The following DPP4 variants were observed in gnomAD, a reference collection of about 807,000 sequenced individuals.
The protein encoded by DPP4 is ADCP-2.
Under a neutral mutation model 122.4 loss-of-function variants are expected in DPP4, and 93 were observed. That is an observed-to-expected ratio of 0.76 (90% CI 0.64 to 0.90). DPP4 has a LOEUF of 0.90. DPP4 is among the 40% of genes least tolerant of loss of function. DPP4 has a pLI of 0.00. For missense variants in DPP4, 914 were observed against 907.3 expected (o/e 1.01, Z -0.09); for synonymous variants, 321 against 302.9 (o/e 1.06, Z -0.62).
chr2:161,999,031 C>T (rs1701077525), intron 23 of DPP4, among the ~76,000 whole-genome samples: 2 of 152,154 alleles, frequency 1.3e-5, no homozygotes, highest in African/African-American at 4.8e-5. Flanking sequence ...TCCAGAGGGA[C>T]CTCTCTGTGA....
chr2:162,018,061 T>C lies in DPP4; in HGVS notation c.1420+668A>G, dbSNP rs1297257886. On this transcript the variant is annotated intron_variant, in intron 16 of 25. Transcript: ENST00000360534. The stretch of plus-strand genomic sequence containing the variant: ...GCTAAAAAAAAAAAGTCAGTCATAG[T>C]AAAGAACCATAAAGAAAAGCATAAT... Among the ~76,000 whole-genome samples, 5 of 152,262 alleles carry C rather than the reference T, an allele frequency of 3.3e-5. No homozygotes were observed. In the East Asian group the frequency reaches 7.7e-4, roughly 24 times the overall value.
At chr2:162,023,115 G>A (rs551733911) in intron 11 of DPP4, among the ~76,000 whole-genome samples, 1 of 152,156 alleles carries the variant, frequency 6.6e-6, no homozygotes, top group South Asian at 2.1e-4. Flanking sequence ...CTTCTAGTTA[G>A]TGGCACCTAT....
rs1466210938 is a variant in DPP4 at position 162,035,270 on chromosome 2, A to T, written c.668T>A (p.Leu223Ter). The change falls in exon 9 of 26, where the codon TTA becomes TAA. Residue 223 changes from leucine to a stop codon, truncating the protein, a stop_gained. Transcript: ENST00000360534. LOFTEE classifies it high-confidence loss of function. ...TGTGTCGTTAAATTGGGCATATGCTAAAAAAGTGCCGTTTGGAGACCACCA... is the reference window on the plus strand; with the variant it reads ...TGTGTCGTTAAATTGGGCATATGCTTAAAAAGTGCCGTTTGGAGACCACCA... ...ALWWSPNGTF[L>*]AYAQFNDTEV... is the part of the protein sequence containing the mutation. 1 of 1,613,912 alleles carries T rather than the reference A, an allele frequency of 6.2e-7. No individual in the cohort carries two copies. Among genetic ancestry groups the T allele is most frequent in the Non-Finnish European group, 8.5e-7 (1 of 1,179,942 alleles).
chr2:162,063,305 T>G (rs1162846328), intron 2 of DPP4, among the ~76,000 whole-genome samples: 3 of 152,196 alleles, frequency 2.0e-5, no homozygotes, highest in Non-Finnish European at 4.4e-5. Flanking sequence ...AGATGTCCAG[T>G]AAGCAGTTGT....
At chr2:162,056,910 T>C (rs1343696696) in intron 2 of DPP4, among the ~76,000 whole-genome samples, 1 of 152,166 alleles carries the variant, frequency 6.6e-6, no homozygotes, top group Non-Finnish European at 1.5e-5. Flanking sequence ...TTTCAGACTT[T>C]TGCATTCAGT....
At chr2:162,038,275 G>C (rs988101783) in intron 8 of DPP4, 27 bp downstream of exon 8, 1 of 1,511,698 alleles carries the variant, frequency 6.6e-7, no homozygotes, top group Admixed American at 2.5e-5. Context: ...TAGATTTTCT[G>C]ATTTGAAAAA....
chr2:162,014,477 G>A lies in DPP4; in HGVS notation c.1568-12C>T. The A allele has an allele frequency of 3.8e-6, 6 of 1,594,586 alleles. No individual in the cohort carries two copies. The highest frequency in any genetic ancestry group is 2.2e-5 in the East Asian group (1 of 44,472). On this transcript the variant is annotated splice_polypyrimidine_tract_variant and intron_variant, in intron 18 of 25. Transcript: ENST00000360534. ...CTGATACCAAAATTCTAAACAAACA[G>A]AAAGATTAATTAGTGAGGTAAGAAA...
rs774912750 is a variant in DPP4 at position 162,039,025 on chromosome 2, GA to G, written c.420-5del. On this transcript the variant is annotated splice_polypyrimidine_tract_variant and splice_region_variant and intron_variant, in intron 6 of 25. Coordinates refer to ENST00000360534, the MANE Select transcript of DPP4 (RefSeq NM_001935.4). The stretch of plus-strand genomic sequence containing the variant: ...CCTCTCTTCTGTAATCAGCTGCCTG[GA>G]AAAAAGATGAAAGGAAATATTATCA... 3.1e-6 allele frequency: 5 copies of G among 1,613,034 alleles called. No individual in the cohort carries two copies. In the African/African-American group the frequency reaches 6.7e-5, roughly 22 times the overall value.
chr2:162,009,170 A>C, intron 21 of DPP4, 71 bp downstream of exon 21: 3 of 1,505,876 alleles, frequency 2.0e-6, no homozygotes, highest in Non-Finnish European at 2.8e-6. Flanking sequence ...TGTATATACA[A>C]AAGATAAAGT....
intron 2 of DPP4, among the ~76,000 whole-genome samples, chr2:162,054,496 T>C (rs1684498286): frequency 6.6e-6 from 1 of 152,146 alleles, no homozygotes; most frequent in South Asian, 2.1e-4. Flanking sequence ...ATGGTCTGAG[T>C]GTCCCCCAAA....
chr2:162,005,090 G>A (rs1162438110), intron 23 of DPP4, among the ~76,000 whole-genome samples: 2 of 152,166 alleles, frequency 1.3e-5, no homozygotes, highest in Admixed American at 6.5e-5. Context: ...CAATGCTCTG[G>A]CTTTGCCGTG....
chr2:162,073,533 CCA>C (rs747793452), intron 1 of DPP4, 47 bp from the exon 2 acceptor site: 1 of 1,593,734 alleles, frequency 6.3e-7, no homozygotes, highest in South Asian at 1.1e-5. Flanking sequence ...GCGTGTGGCC[CCA>C]GTTTCCGTAG....
At position 162,018,750 on chromosome 2, in the gene DPP4, A is replaced by G. The variant is rs1683010158; in HGVS notation, c.1399T>C (p.Tyr467His). 5 of 1,614,092 alleles carry G rather than the reference A, an allele frequency of 3.1e-6. No homozygotes were observed. Among genetic ancestry groups the G allele is most frequent in the Non-Finnish European group, 3.4e-6 (4 of 1,180,030 alleles). Residue 467 changes from tyrosine (Y) to histidine (H), a missense_variant, in exon 16 of 26, where the codon TAT becomes CAT. Coordinates refer to ENST00000360534, the MANE Select transcript of DPP4 (RefSeq NM_001935.4). Reference sequence around the variant, plus strand: ...TTACCGGAACATCTCAGCTGATAATACTTCGCCTCTTTACTGAATGACACA... The same window carrying G: ...TTACCGGAACATCTCAGCTGATAATGCTTCGCCTCTTTACTGAATGACACA... ...YSVSFSKEAK[Y>H]YQLRCSGPGL...
At chr2:162,021,255 A>G (rs528851992) in intron 12 of DPP4, among the ~76,000 whole-genome samples, 19 of 152,344 alleles carry the variant, frequency 1.2e-4, no homozygotes, top group African/African-American at 4.6e-4. Context: ...AAACATTCAT[A>G]TAGTTATTAT....
chr2:162,017,133 A>G lies in DPP4; in HGVS notation c.1443T>C (p.Thr481=), dbSNP rs1241021645. The change falls in exon 17 of 26, where the codon ACT becomes ACC. Residue 481 remains threonine, a synonymous_variant. Transcript: ENST00000360534. ...CTTTATCATTCACGCTGCTGTGTAGAGTATAGAGGGGCAGACCAGGACCTG... is the reference window on the plus strand; with the variant it reads ...CTTTATCATTCACGCTGCTGTGTAGGGTATAGAGGGGCAGACCAGGACCTG... ...RCSGPGLPLY[T]LHSSVNDKGL... 2.5e-6 allele frequency: 4 copies of G among 1,612,196 alleles called. No homozygotes were observed. In the African/African-American group the frequency reaches 4.0e-5, roughly 16 times the overall value.
Position 162,073,412 on chromosome 2 carries a change from C to T in DPP4, c.81G>A (p.Leu27=), listed in dbSNP as rs17575. The change falls in exon 2 of 26, where the codon CTG becomes CTA. Residue 27 remains leucine (L), a synonymous_variant. Transcript: ENST00000360534. ...TTTCAAACTTACTGCCTTTGTTCAG[C>T]AGAACCACGGGCACGGTGATGATGG... The part of the protein sequence containing the change: ...LVTIITVPVV[L]LNKGTDDATA... 3,863 of 1,614,018 alleles carry T rather than the reference C, an allele frequency of 2.4e-3. 80 individuals carry two copies. The African/African-American group carries it at 0.044, about 18-fold the overall frequency.
intron 5 of DPP4, 26 bp from the exon 6 acceptor site, chr2:162,039,210 G>C: frequency 6.2e-7 from 1 of 1,608,396 alleles, no homozygotes; most frequent in Non-Finnish European, 8.5e-7. Context: ...GACATTTCAG[G>C]CTTCTGTGAT....
chr2:162,064,386 T>A (rs1684885247), intron 2 of DPP4, among the ~76,000 whole-genome samples: 1 of 152,170 alleles, frequency 6.6e-6, no homozygotes, highest in African/African-American at 2.4e-5. Context: ...AAGATTTGAG[T>A]CATCAATTAG....
chr2:162,014,210 C>T (rs1290059642), intron 19 of DPP4, among the ~76,000 whole-genome samples, 186 bp downstream of exon 19: 1 of 152,090 alleles, frequency 6.6e-6, no homozygotes, highest in South Asian at 2.1e-4. Context: ...TATCTCCCTT[C>T]TCTATTAAGA....
Sources: allele counts gnomAD v4.1 joint callset (sites outside exome capture counted in the v4.1 genomes callset), GRCh38; gene constraint gnomAD v4.1.1; transcripts MANE v1.5; gene names NCBI Gene and HGNC (gene_info 2026-07-23, HGNC 2026-07-21).